SLC25A31: variants seen among roughly 807,000 people sequenced by gnomAD.
The protein encoded by SLC25A31 is solute carrier family 25 member 31.
SLC25A31 carries 40 observed loss-of-function variants against 36.2 expected under a neutral mutation model. The ratio of observed to expected loss-of-function variants is 1.10; its 90% CI spans 0.86 to 1.44. The LOEUF is 1.44. Ranked by LOEUF, SLC25A31 falls within the 40% of genes most tolerant of loss-of-function variation. The probability of loss-of-function intolerance (pLI) is 0.00; values close to 1 mark genes in which losing one functional copy is unlikely to be tolerated. For missense variants in SLC25A31, 350 were observed against 397.1 expected, an observed-to-expected ratio of 0.88 and a Z score of 1.01; for synonymous variants, 143 against 149.7, an observed-to-expected ratio of 0.96 and a Z score of 0.32.
At chr4:127,748,545 T>C (rs1165128496) in intron 2 of SLC25A31, among the ~76,000 whole-genome samples, 1 of 152,136 alleles carries the variant, frequency 6.6e-6, no homozygotes, top group African/African-American at 2.4e-5. Context: ...CTACCATCAA[T>C]GAAACGTGCA....
intron 2 of SLC25A31, among the ~76,000 whole-genome samples, chr4:127,760,896 G>A (rs1433088948): frequency 2.0e-5 from 3 of 152,272 alleles, no homozygotes; most frequent in African/African-American, 7.2e-5. Context: ...AAAATTAGCC[G>A]AGTGTGGTGG....
At chr4:127,745,016 TG>T (rs750545636) in intron 2 of SLC25A31, among the ~76,000 whole-genome samples, 3 of 152,204 alleles carry the variant, frequency 2.0e-5, no homozygotes, top group Non-Finnish European at 4.4e-5. Context: ...AAGGATCTTT[TG>T]TCTCAAGGCA....
intron 1 of SLC25A31, among the ~76,000 whole-genome samples, chr4:127,731,265 G>A (rs541260063): frequency 4.1e-4 from 62 of 152,068 alleles, no homozygotes; most frequent in Non-Finnish European, 7.9e-4. Flanking sequence ...AAATATGGGA[G>A]CACTAGGGCT....
chr4:127,753,797 T>C (rs1731980210), intron 2 of SLC25A31, among the ~76,000 whole-genome samples: 1 of 152,076 alleles, frequency 6.6e-6, no homozygotes, highest in Non-Finnish European at 1.5e-5. Context: ...AGGCAACACC[T>C]TCAGACTCAT....
intron 1 of SLC25A31, among the ~76,000 whole-genome samples, chr4:127,735,750 T>A (rs1560630327): frequency 6.7e-6 from 1 of 149,378 alleles, no homozygotes; most frequent in South Asian, 2.1e-4. Context: ...TTGGAAGTCA[T>A]GCAGACTTTT....
chr4:127,732,960 C>T (rs1578653048), intron 1 of SLC25A31, among the ~76,000 whole-genome samples: 1 of 152,298 alleles, frequency 6.6e-6, no homozygotes, highest in East Asian at 1.9e-4. Flanking sequence ...TATATGCAGG[C>T]CAGTCATACA....
chr4:127,734,308 C>G (rs1303277831), intron 1 of SLC25A31, among the ~76,000 whole-genome samples: 1 of 152,020 alleles, frequency 6.6e-6, no homozygotes, highest in African/African-American at 2.4e-5. Flanking sequence ...GCCTGTAATG[C>G]CAGCACTTTG....
chr4:127,760,911 C>A (rs1479820950), intron 2 of SLC25A31, among the ~76,000 whole-genome samples: 1 of 152,090 alleles, frequency 6.6e-6, no homozygotes, highest in African/African-American at 2.4e-5. Flanking sequence ...TGGTGGCGGG[C>A]GCCTGTAGTC....
intron 3 of SLC25A31, 30 bp downstream of exon 3, chr4:127,764,390 C>T (rs1344727250): frequency 3.5e-5 from 54 of 1,540,854 alleles, no homozygotes; most frequent in Non-Finnish European, 4.8e-5. Flanking sequence ...ACTAACTTTT[C>T]CTTCTTTGCA....
chr4:127,752,102 A>G (rs1731944881), intron 2 of SLC25A31, among the ~76,000 whole-genome samples: 1 of 152,242 alleles, frequency 6.6e-6, no homozygotes, highest in African/African-American at 2.4e-5. Flanking sequence ...TCATGCTGCT[A>G]TAAAGACACA....
intron 5 of SLC25A31, among the ~76,000 whole-genome samples, chr4:127,770,949 C>CTTTTTTTTTTTTTT (rs558206857): frequency 9.9e-5 from 8 of 80,820 alleles, no homozygotes; most frequent in Admixed American, 1.4e-4. Context: ...TCTTCTTCTT[C>CTTTTTTTTTTTTTT]TTTTTTTTTT....
At chr4:127,750,082 C>A (rs1013254146) in intron 2 of SLC25A31, among the ~76,000 whole-genome samples, 8 of 152,174 alleles carry the variant, frequency 5.3e-5, no homozygotes, top group African/African-American at 1.7e-4. Flanking sequence ...TTACACCTGG[C>A]TAAATTGTCT....
At chr4:127,745,152 A>G (rs961201725) in intron 2 of SLC25A31, among the ~76,000 whole-genome samples, 4 of 152,194 alleles carry the variant, frequency 2.6e-5, no homozygotes, top group Admixed American at 6.5e-5. Flanking sequence ...CGTAGTTCCT[A>G]TTACTGAGGT....
chr4:127,734,556 CAAAAAAAAAAAA>C (rs34838538), intron 1 of SLC25A31, among the ~76,000 whole-genome samples: 4 of 62,244 alleles, frequency 6.4e-5, no homozygotes, highest in Non-Finnish European at 8.8e-5. Flanking sequence ...AAGACTGTCT[CAAAAAAAAAAAA>C]AAAAAAAAAA....
rs144240307 is a variant in SLC25A31, at chr4:127,744,920, T to C, written c.360+121T>C. On this transcript the variant is annotated intron_variant, in intron 2 of 5. Coordinates refer to ENST00000281154, the MANE Select transcript of SLC25A31 (RefSeq NM_031291.4). The stretch of plus-strand genomic sequence containing the variant: ...AAAATTTTCTTTAAAATGGTTAGAT[T>C]TGTCTTAACTGTGATGTTTTATTTG... The C allele has an allele frequency of 4.6e-3, 3,360 of 734,392 alleles. 13 individuals are homozygous for C. The highest frequency in any genetic ancestry group is 5.1e-3 in the Non-Finnish European group (2,589 of 504,564). 45.5% of individuals were successfully genotyped at this position (734,392 alleles called of 1,614,324 possible).
At chr4:127,746,272 A>G (rs1731824808) in intron 2 of SLC25A31, among the ~76,000 whole-genome samples, 1 of 152,140 alleles carries the variant, frequency 6.6e-6, no homozygotes, top group African/African-American at 2.4e-5. Flanking sequence ...GAACATTCAC[A>G]TACATGTGTC....
intron 1 of SLC25A31, among the ~76,000 whole-genome samples, chr4:127,735,353 T>A (rs1324431667): frequency 6.6e-6 from 1 of 152,248 alleles, no homozygotes; most frequent in African/African-American, 2.4e-5. Flanking sequence ...TTGTTTTTCA[T>A]CTTTTAAATA....
intron 5 of SLC25A31, 118 bp from the exon 6 acceptor site, chr4:127,773,268 A>G (rs1225864962): frequency 2.5e-5 from 22 of 880,156 alleles, no homozygotes; most frequent in South Asian, 1.6e-4. Flanking sequence ...ATATATGCCT[A>G]TTAACACAGT....
At chr4:127,747,790 G>A (rs1201849471) in intron 2 of SLC25A31, among the ~76,000 whole-genome samples, 1 of 151,842 alleles carries the variant, frequency 6.6e-6, no homozygotes, top group African/African-American at 2.4e-5. Context: ...ACAGCGTCAG[G>A]GTCTCCAAAA....
Sources: allele counts gnomAD v4.1 joint callset (sites outside exome capture counted in the v4.1 genomes callset), GRCh38; gene constraint gnomAD v4.1.1; transcripts MANE v1.5; gene names NCBI Gene and HGNC (gene_info 2026-07-23, HGNC 2026-07-21).